The following KCNMA1 variants were observed in gnomAD, a reference collection of about 807,000 sequenced individuals.
KCNMA1 encodes the protein potassium calcium-activated channel subfamily M alpha 1.
KCNMA1 carries 29 observed loss-of-function variants against 140.0 expected under a neutral mutation model. The observed-to-expected ratio is 0.21, with a 90% CI of 0.15 to 0.28. KCNMA1 has a LOEUF of 0.28. Ranked by LOEUF, KCNMA1 falls within the 10% of genes least tolerant of loss-of-function variation. The pLI is 1.00. For synonymous variants in KCNMA1, 612 were observed against 611.9 expected, an observed-to-expected ratio of 1.00 and a Z score of 0.00; for missense variants, 880 against 1,602.2, an observed-to-expected ratio of 0.55 and a Z score of 7.70.
intron 2 of KCNMA1, among the ~76,000 whole-genome samples, chr10:77,271,281 C>A (rs1436773519): frequency 6.6e-6 from 1 of 152,212 alleles, no homozygotes; most frequent in African/African-American, 2.4e-5. Context: ...CCATACTGGG[C>A]AGACTGAGAA....
chr10:77,266,211 A>G (rs998966151), intron 2 of KCNMA1, among the ~76,000 whole-genome samples: 2 of 152,182 alleles, frequency 1.3e-5, no homozygotes, highest in African/African-American at 4.8e-5. Flanking sequence ...ACCACAAATG[A>G]AAAATAGGAG....
chr10:77,440,467 C>G (rs532371758), intron 1 of KCNMA1, among the ~76,000 whole-genome samples: 26 of 152,284 alleles, frequency 1.7e-4, no homozygotes, highest in African/African-American at 5.8e-4. Flanking sequence ...ACGCTGCTTG[C>G]TAGAGAAGCC....
intron 1 of KCNMA1, among the ~76,000 whole-genome samples, chr10:77,531,247 G>T (rs568828644): frequency 6.6e-6 from 1 of 152,318 alleles, no homozygotes; most frequent in East Asian, 1.9e-4. Context: ...TCAAGAGATT[G>T]TAAATAATGC....
At chr10:77,525,309 G>T (rs2055161605) in intron 1 of KCNMA1, among the ~76,000 whole-genome samples, 1 of 152,182 alleles carries the variant, frequency 6.6e-6, no homozygotes, top group African/African-American at 2.4e-5. Flanking sequence ...AGCACATCCA[G>T]CCTGGAATAT....
At chr10:77,577,743 G>A (rs530763041) in intron 1 of KCNMA1, among the ~76,000 whole-genome samples, 2 of 152,300 alleles carry the variant, frequency 1.3e-5, no homozygotes, top group East Asian at 3.9e-4. Context: ...CTAGTTGGTG[G>A]TGAAGCCAGA....
At chr10:77,348,325 A>G (rs2092453010) in intron 2 of KCNMA1, among the ~76,000 whole-genome samples, 1 of 152,182 alleles carries the variant, frequency 6.6e-6, no homozygotes, top group African/African-American at 2.4e-5. Flanking sequence ...TGGAAACACA[A>G]AGTAAAACCC....
rs2085288594 is a variant in KCNMA1 at position 77,608,257 on chromosome 10, C to T, written c.378+29008G>A. 2.0e-5 allele frequency among the ~76,000 whole-genome samples: 3 copies of T among 152,262 alleles called. No individual in the cohort carries two copies. The South Asian group carries it at 6.2e-4, about 32-fold the overall frequency. On this transcript the variant is annotated intron_variant, in intron 1 of 27. Coordinates refer to ENST00000286628, the MANE Select transcript of KCNMA1 (RefSeq NM_001161352.2). ...ATACAATCTTGGTTCACTGCAACCT[C>T]CACCTCCCAGGCTCAAGCAATCATC...
chr10:77,512,987 G>T (rs369092818), intron 1 of KCNMA1, among the ~76,000 whole-genome samples: 1 of 152,102 alleles, frequency 6.6e-6, no homozygotes, highest in African/African-American at 2.4e-5. Context: ...AACTTCACCA[G>T]TGTTAACCAG....
At chr10:77,471,551 C>G (rs867105149) in intron 1 of KCNMA1, among the ~76,000 whole-genome samples, 1 of 151,026 alleles carries the variant, frequency 6.6e-6, no homozygotes, top group East Asian at 1.9e-4. Flanking sequence ...TACACACACA[C>G]CATACACTGC....
intron 1 of KCNMA1, among the ~76,000 whole-genome samples, chr10:77,589,423 A>C (rs2078294077): frequency 6.6e-6 from 1 of 152,096 alleles, no homozygotes; most frequent in East Asian, 1.9e-4. Flanking sequence ...CTGCACAAAC[A>C]ACGTGGCCTC....
chr10:77,492,108 G>C (rs2154541165), intron 1 of KCNMA1, among the ~76,000 whole-genome samples: 1 of 152,358 alleles, frequency 6.6e-6, no homozygotes, highest in South Asian at 2.1e-4. Flanking sequence ...GTGACAGCCA[G>C]TGTGCTAATG....
At chr10:77,500,014 T>G (rs1262234041) in intron 1 of KCNMA1, among the ~76,000 whole-genome samples, 1 of 152,052 alleles carries the variant, frequency 6.6e-6, no homozygotes, top group African/African-American at 2.4e-5. Context: ...GCTATTTCAC[T>G]CTATACATTA....
intron 2 of KCNMA1, among the ~76,000 whole-genome samples, chr10:77,352,742 C>G (rs2093046414): frequency 6.6e-6 from 1 of 152,122 alleles, no homozygotes; most frequent in African/African-American, 2.4e-5. Flanking sequence ...AAGAAAGTGA[C>G]TGGAAGTTTT....
At chr10:77,469,941 G>C (rs895817546) in intron 1 of KCNMA1, among the ~76,000 whole-genome samples, 4 of 152,198 alleles carry the variant, frequency 2.6e-5, no homozygotes, top group African/African-American at 9.7e-5. Flanking sequence ...AACAGGCTGG[G>C]CTACCCAGGG....
At chr10:77,365,894 G>T (rs780048305) in intron 2 of KCNMA1, among the ~76,000 whole-genome samples, 3 of 151,956 alleles carry the variant, frequency 2.0e-5, no homozygotes, top group Non-Finnish European at 4.4e-5. Context: ...ACCTCCCAGG[G>T]TCTCAGTTAT....
intron 1 of KCNMA1, among the ~76,000 whole-genome samples, chr10:77,408,617 A>T (rs917126196): frequency 6.6e-6 from 1 of 152,216 alleles, no homozygotes; most frequent in Non-Finnish European, 1.5e-5. Flanking sequence ...CCCCAGCTTC[A>T]GGAGGACAGG....
intron 1 of KCNMA1, among the ~76,000 whole-genome samples, chr10:77,527,710 C>T (rs1203805522): frequency 1.3e-5 from 2 of 151,984 alleles, no homozygotes; most frequent in African/African-American, 2.4e-5. Context: ...AGAGAGAGAG[C>T]GAGAGAGAGG....
chr10:77,633,390 T>C (rs1279986446), intron 1 of KCNMA1, among the ~76,000 whole-genome samples: 1 of 151,452 alleles, frequency 6.6e-6, no homozygotes, highest in African/African-American at 2.4e-5. Flanking sequence ...CAAGGGCAGG[T>C]CAGCTGGAGC....
chr10:77,565,550 G>A (rs1275362158), intron 1 of KCNMA1, among the ~76,000 whole-genome samples: 1 of 152,208 alleles, frequency 6.6e-6, no homozygotes, highest in Non-Finnish European at 1.5e-5. Flanking sequence ...GGAGCCTGGT[G>A]ATGGGCAGCC....
Sources: gnomAD v4.1 joint callset for allele counts (sites outside exome capture counted in the v4.1 genomes callset) on GRCh38, gnomAD v4.1.1 for gene constraint, MANE v1.5 for transcripts, NCBI Gene and HGNC (gene_info 2026-07-23, HGNC 2026-07-21) for gene names.